DNAH14: variants seen among roughly 807,000 people sequenced by gnomAD.
DNAH14 encodes the protein axonemal beta dynein heavy chain 14.
In DNAH14, 478 loss-of-function variants were observed where a neutral mutation model predicts 520.9. The ratio of observed to expected loss-of-function variants is 0.92; its 90% CI spans 0.85 to 0.99. The LOEUF (loss-of-function observed/expected upper bound fraction) is 0.99, where lower values mean the gene tolerates loss of function less well. DNAH14 is among the 50% of genes least tolerant of loss of function. DNAH14 has a pLI of 0.00. For missense variants in DNAH14, 4,831 were observed against 5,234.5 expected (o/e 0.92, Z 2.38); for synonymous variants, 1,581 against 1,757.2 (o/e 0.90, Z 2.51).
At chr1:225,143,332 C>A (rs2149038665) in intron 28 of DNAH14, among the ~76,000 whole-genome samples, 1 of 152,288 alleles carries the variant, frequency 6.6e-6, no homozygotes. Flanking sequence ...TTATACTTTT[C>A]TCTCTCTTGT....
chr1:225,073,656 C>T (rs574756789), intron 17 of DNAH14, among the ~76,000 whole-genome samples: 10 of 145,036 alleles, frequency 6.9e-5, no homozygotes, highest in Non-Finnish European at 9.1e-5. Flanking sequence ...TTGTTGTTTT[C>T]AGTTTTTTGT....
chr1:225,064,880 TAAAC>T (rs1192806032), intron 17 of DNAH14, among the ~76,000 whole-genome samples: 1 of 151,958 alleles, frequency 6.6e-6, no homozygotes, highest in Non-Finnish European at 1.5e-5. Flanking sequence ...CTCATCAAAA[TAAAC>T]AATTAGCATT....
chr1:224,960,231 G>T lies in DNAH14; in HGVS notation c.296G>T (p.Arg99Met). 1 of 1,611,286 alleles carries T rather than the reference G, an allele frequency of 6.2e-7. No individual in the cohort carries two copies. Among genetic ancestry groups the T allele is most frequent in the Non-Finnish European group, 8.5e-7 (1 of 1,178,736 alleles). The change falls in exon 4 of 86, where the codon AGG becomes ATG. Residue 99 changes from arginine to methionine, a missense_variant. Physicochemically the swap from Arg to Met is moderately conservative, Grantham distance 91. Coordinates refer to ENST00000682510, the MANE Select transcript of DNAH14 (RefSeq NM_001367479.1). Reference protein sequence around the residue: ...PASLKEKGKSRRKKDQTHACP... With the variant: ...PASLKEKGKSMRKKDQTHACP... ...TCCCTTAAGGAGAAAGGGAAGTCAA[G>T]GAGAAAAAAGGATCAAACTCATGCT...
At chr1:225,374,266 ATATATTTT>A (rs1558561801) in intron 77 of DNAH14, among the ~76,000 whole-genome samples, 1 of 32,944 alleles carries the variant, frequency 3.0e-5, no homozygotes, top group African/African-American at 7.0e-5. Context: ...ATATATATAT[ATATATTTT>A]TTTTTGAGAT....
At chr1:225,038,619 A>G in intron 11 of DNAH14, 75 bp from the exon 12 acceptor site, 2 of 1,392,556 alleles carry the variant, frequency 1.4e-6, no homozygotes, top group Non-Finnish European at 1.9e-6. Flanking sequence ...TTTGTTGTTG[A>G]GTTGTAGGTG....
At chr1:225,016,550 G>A (rs756846766) in intron 10 of DNAH14, among the ~76,000 whole-genome samples, 3 of 151,868 alleles carry the variant, frequency 2.0e-5, no homozygotes, top group Non-Finnish European at 4.4e-5. Context: ...AATCTCTTTG[G>A]GTTTGTTTAG....
At chr1:224,976,431 G>T (rs2061847593) in intron 8 of DNAH14, among the ~76,000 whole-genome samples, 1 of 152,074 alleles carries the variant, frequency 6.6e-6, no homozygotes, top group South Asian at 2.1e-4. Context: ...GCTTGGGCAA[G>T]GACTTCATGT....
chr1:225,226,443 C>T (rs2090541669), intron 41 of DNAH14, among the ~76,000 whole-genome samples: 2 of 152,236 alleles, frequency 1.3e-5, no homozygotes, highest in African/African-American at 4.8e-5. Context: ...CCAGGCAACA[C>T]TACCAATGCC....
intron 17 of DNAH14, among the ~76,000 whole-genome samples, chr1:225,056,725 A>T (rs1356948228): frequency 6.6e-6 from 1 of 152,156 alleles, no homozygotes; most frequent in Non-Finnish European, 1.5e-5. Flanking sequence ...TAAGGAAGGG[A>T]TCCAGTTTCA....
In DNAH14 at chr1:225,231,134, C is replaced by G. The variant is rs1352851406; in HGVS notation, c.6501C>G (p.Phe2167Leu). ...EANSQRESVT[F>L]KDIEKRDENT... Reference sequence around the variant, plus strand: ...ATTCCCAAAGAGAGTCTGTCACATTCAAGGATATAGAAAAGAGGTCAGTTA... The same window carrying G: ...ATTCCCAAAGAGAGTCTGTCACATTGAAGGATATAGAAAAGAGGTCAGTTA... Residue 2167 changes from phenylalanine (F) to leucine (L), a missense_variant, in exon 42 of 86, where the codon TTC (phenylalanine) becomes TTG (leucine). Phe to Leu is a conservative substitution (Grantham distance 22). Transcript: ENST00000682510. 3.9e-6 allele frequency: 6 copies of G among 1,546,040 alleles called. No homozygotes were observed. The highest frequency in any genetic ancestry group is 5.2e-6 in the Non-Finnish European group (6 of 1,144,398).
intron 36 of DNAH14, among the ~76,000 whole-genome samples, chr1:225,176,633 G>A (rs956347168): frequency 2.6e-5 from 4 of 151,752 alleles, no homozygotes; most frequent in African/African-American, 9.7e-5. Flanking sequence ...TGAATTATGG[G>A]GCAGGTCTTT....
intron 10 of DNAH14, 139 bp from the exon 11 acceptor site, chr1:225,023,476 A>AT (rs1455142015): frequency 5.0e-6 from 3 of 605,678 alleles, no homozygotes; most frequent in African/African-American, 1.9e-5. Context: ...CCTTTAAATC[A>AT]TTTTTTGCTT....
At chr1:225,123,273 A>G (rs915982835) in intron 26 of DNAH14, among the ~76,000 whole-genome samples, 1 of 152,156 alleles carries the variant, frequency 6.6e-6, no homozygotes, top group African/African-American at 2.4e-5. Context: ...ATCTCTTTTT[A>G]TATATTTTTA....
intron 17 of DNAH14, among the ~76,000 whole-genome samples, chr1:225,069,558 T>C (rs547076275): frequency 4.4e-4 from 67 of 152,324 alleles, no homozygotes; most frequent in Non-Finnish European, 8.1e-4. Flanking sequence ...TGAAGCCTAC[T>C]TGATCATGGT....
intron 62 of DNAH14, 87 bp from the exon 63 acceptor site, chr1:225,324,135 T>C (rs1461349296): frequency 1.4e-6 from 2 of 1,467,950 alleles, no homozygotes; most frequent in Admixed American, 2.1e-5. Context: ...TAATATGAAA[T>C]AAAATTTCAA....
chr1:225,235,418 T>C (rs1263363079), intron 42 of DNAH14, among the ~76,000 whole-genome samples: 11 of 152,198 alleles, frequency 7.2e-5, no homozygotes. Flanking sequence ...ATAAGCTTTT[T>C]GATGTACTGC....
At chr1:225,086,739 C>G (rs2073851438) in intron 21 of DNAH14, among the ~76,000 whole-genome samples, 1 of 151,712 alleles carries the variant, frequency 6.6e-6, no homozygotes, top group African/African-American at 2.4e-5. Context: ...AGCAGAAAAA[C>G]AGCAAAAAGG....
At chr1:225,320,228 G>A (rs2094534928) in intron 61 of DNAH14, among the ~76,000 whole-genome samples, 1 of 152,160 alleles carries the variant, frequency 6.6e-6, no homozygotes, top group East Asian at 1.9e-4. Flanking sequence ...CTGTGCCTGA[G>A]CTTCCCTTTT....
Position 225,192,903 on chromosome 1 carries a change from T to A in DNAH14, c.5878T>A (p.Leu1960Ile). 1 of 1,545,928 alleles carries A rather than the reference T, an allele frequency of 6.5e-7. No individual in the cohort carries two copies. The highest frequency in any genetic ancestry group is 8.7e-7 in the Non-Finnish European group (1 of 1,143,312). ...DLRLKSRISD[L>I]SNVFKLDSSD... Reference sequence around the variant, plus strand: ...CAGACTAAAGTCAAGAATCTCAGATTTATCCAATGTAAGTTTAGTATTGAA... The same window carrying A: ...CAGACTAAAGTCAAGAATCTCAGATATATCCAATGTAAGTTTAGTATTGAA... The change falls in exon 38 of 86, where the codon TTA becomes ATA. Residue 1960 changes from leucine (L) to isoleucine (I), a missense_variant. Leu to Ile is a conservative substitution (Grantham distance 5, BLOSUM62 2). Coordinates refer to ENST00000682510, the MANE Select transcript of DNAH14 (RefSeq NM_001367479.1).
Sources: allele counts gnomAD v4.1 joint callset (sites outside exome capture counted in the v4.1 genomes callset), GRCh38; gene constraint gnomAD v4.1.1; transcripts MANE v1.5; gene names NCBI Gene and HGNC (gene_info 2026-07-23, HGNC 2026-07-21).